The following IL26 variants were observed in gnomAD, a reference collection of about 807,000 sequenced individuals.
The protein encoded by IL26 is interleukin-26.
IL26 carries 23 observed loss-of-function variants against 21.7 expected under a neutral mutation model. That is an observed-to-expected ratio of 1.06 (90% CI 0.76 to 1.50). The LOEUF (loss-of-function observed/expected upper bound fraction) is 1.50, where lower values mean the gene tolerates loss of function less well. Among genes scored for constraint, IL26 ranks in the 40% most tolerant of loss-of-function variants. IL26 has a pLI of 0.00. For synonymous variants in IL26, 63 were observed against 67.8 expected, an observed-to-expected ratio of 0.93 and a Z score of 0.34; for missense variants, 204 against 196.0, an observed-to-expected ratio of 1.04 and a Z score of -0.24.
intron 3 of IL26, among the ~76,000 whole-genome samples, chr12:68,223,883 G>GTTTTTTTTTTTTTTTTTTTTTTTTTT (rs201652400): frequency 1.2e-5 from 1 of 81,916 alleles, no homozygotes. Flanking sequence ...TAAATTTGGT[G>GTTTTTTTTTTTTTTTTTTTTTTTTTT]GTTTTTTTTT....
chr12:68,220,258 G>A (rs573573612), intron 3 of IL26, among the ~76,000 whole-genome samples: 23 of 152,190 alleles, frequency 1.5e-4, no homozygotes, highest in Admixed American at 9.8e-4. Context: ...CAAGAAAACC[G>A]TAGACTAACA....
chr12:68,203,698 T>G (rs1868450778), intron 3 of IL26, among the ~76,000 whole-genome samples: 1 of 152,196 alleles, frequency 6.6e-6, no homozygotes, highest in African/African-American at 2.4e-5. Flanking sequence ...CCAACAGGTC[T>G]CTTCAGGGGT....
rs1257306522 is a variant in IL26 at position 68,225,274 on chromosome 12, G to T, written c.238C>A (p.Gln80Lys). The T allele has an allele frequency of 6.2e-7, 1 of 1,604,060 alleles. No homozygotes were observed. Among genetic ancestry groups the T allele is most frequent in the Admixed American group, 1.7e-5 (1 of 57,470 alleles). The change falls in exon 3 of 5, where the codon CAA becomes AAA. Residue 80 changes from glutamine (Q) to lysine (K), a missense_variant. Coordinates refer to ENST00000229134, the MANE Select transcript of IL26 (RefSeq NM_018402.2). ...AAGGACAGAAGCTGTTCTTGAAATT[G>T]ACAGTTTTTCTAAAAATAAGATACA... The part of the protein sequence containing the change: ...KTKKQFMKNC[Q>K]FQEQLLSFFM...
At chr12:68,212,598 G>C (rs563454352) in intron 3 of IL26, among the ~76,000 whole-genome samples, 2 of 151,912 alleles carry the variant, frequency 1.3e-5, no homozygotes, top group Non-Finnish European at 2.9e-5. Flanking sequence ...ATGTTTTATA[G>C]TTTTTCTTAT....
At chr12:68,214,864 C>G (rs1868829784) in intron 3 of IL26, among the ~76,000 whole-genome samples, 1 of 147,096 alleles carries the variant, frequency 6.8e-6, no homozygotes, top group Non-Finnish European at 1.5e-5. Context: ...TTACTACTGA[C>G]ATTTTGTTAC....
At chr12:68,218,877 TC>T (rs1338445813) in intron 3 of IL26, among the ~76,000 whole-genome samples, 2 of 151,772 alleles carry the variant, frequency 1.3e-5, no homozygotes, top group Non-Finnish European at 2.9e-5. Context: ...CTAACATCAA[TC>T]AAAAGAAAGC....
chr12:68,207,893 TTAA>T lies in IL26; in HGVS notation c.364-5813_364-5811del, dbSNP rs869152473. On this transcript the variant is annotated intron_variant, in intron 3 of 4. Transcript: ENST00000229134. The stretch of plus-strand genomic sequence containing the variant: ...CTAGTACATACATATATTTTATGCA[TTAA>T]TGACATATTTTTCTTAATTTTTCCA... Among the ~76,000 whole-genome samples the T allele has an allele frequency of 2.0e-4, 27 of 136,974 alleles. 2 individuals carry two copies. Among genetic ancestry groups the T allele is most frequent in the Admixed American group, 1.8e-3 (24 of 13,678 alleles). 89.9% of individuals were successfully genotyped at this position (136,974 alleles called of 152,430 possible).
At chr12:68,211,978 C>T (rs1809261546) in intron 3 of IL26, among the ~76,000 whole-genome samples, 1 of 151,948 alleles carries the variant, frequency 6.6e-6, no homozygotes, top group Non-Finnish European at 1.5e-5. Flanking sequence ...TGAAGTGTTT[C>T]CTCAAGTTTT....
intron 3 of IL26, among the ~76,000 whole-genome samples, chr12:68,218,386 A>G (rs551695026): frequency 2.4e-4 from 36 of 152,258 alleles, no homozygotes; most frequent in African/African-American, 8.4e-4. Context: ...AATGGAAAAT[A>G]TTAAAAAGAC....
At chr12:68,222,842 A>G (rs964791666) in intron 3 of IL26, among the ~76,000 whole-genome samples, 1 of 152,224 alleles carries the variant, frequency 6.6e-6, no homozygotes, top group Admixed American at 6.5e-5. Context: ...ATTAGTTTCA[A>G]TAGGTTGACC....
chr12:68,225,179 A>G lies in IL26; in HGVS notation c.333T>C (p.Phe111=), dbSNP rs1869203270. ...GGCTCAATTTCTGCCTAAGGCTATG[A>G]AAGTCCTCCACAAAGCGTATTTTCT... ...GCKKIRFVED[F]HSLRQKLSHC... Residue 111 remains phenylalanine (F), a synonymous_variant, in exon 3 of 5, where the codon TTT becomes TTC. Coordinates refer to ENST00000229134, the MANE Select transcript of IL26 (RefSeq NM_018402.2). The G allele has an allele frequency of 1.2e-6, 2 of 1,613,326 alleles. No homozygotes were observed. The highest frequency in any genetic ancestry group is 1.3e-5 in the African/African-American group (1 of 75,004).
intron 3 of IL26, among the ~76,000 whole-genome samples, chr12:68,211,140 G>A (rs938421206): frequency 6.6e-6 from 1 of 152,116 alleles, no homozygotes; most frequent in African/African-American, 2.4e-5. Flanking sequence ...CTGTCTTCAT[G>A]AGATCCACTT....
chr12:68,204,123 A>G (rs1417376023), intron 3 of IL26, among the ~76,000 whole-genome samples: 1 of 142,664 alleles, frequency 7.0e-6, no homozygotes, highest in African/African-American at 2.6e-5. Context: ...TTCTAAAATC[A>G]TGTGTTAGGA....
chr12:68,202,072 A>G lies in IL26; in HGVS notation c.375T>C (p.Ala125=), dbSNP rs1214553689. 1.3e-6 allele frequency: 2 copies of G among 1,576,892 alleles called. No homozygotes were observed. The change falls in exon 4 of 5, where the codon GCT becomes GCC. Residue 125 remains alanine (A), a synonymous_variant. Coordinates refer to ENST00000229134, the MANE Select transcript of IL26 (RefSeq NM_018402.2). Reference sequence around the variant, plus strand: ...TGGATTTCATCTCTCTAGCTGATGAAGCACAGGAAATCTAAGAAATCAACA... The same window carrying G: ...TGGATTTCATCTCTCTAGCTGATGAGGCACAGGAAATCTAAGAAATCAACA... The part of the protein sequence containing the change: ...RQKLSHCISC[A]SSAREMKSIT...
At chr12:68,220,413 A>C (rs1869013034) in intron 3 of IL26, among the ~76,000 whole-genome samples, 1 of 152,210 alleles carries the variant, frequency 6.6e-6, no homozygotes, top group South Asian at 2.1e-4. Flanking sequence ...AATGTAATTC[A>C]TTGTTTCAAT....
chr12:68,212,785 T>C (rs993117667), intron 3 of IL26, among the ~76,000 whole-genome samples: 1 of 152,096 alleles, frequency 6.6e-6, no homozygotes, highest in East Asian at 1.9e-4. Flanking sequence ...GTTCTAACAG[T>C]TTAGGTAGAG....
At chr12:68,202,696 C>G (rs987344296) in intron 3 of IL26, among the ~76,000 whole-genome samples, 1 of 152,134 alleles carries the variant, frequency 6.6e-6, no homozygotes, top group Non-Finnish European at 1.5e-5. Flanking sequence ...CCCGTCAGGT[C>G]CCTCCCTCCA....
Position 68,225,465 on chromosome 12 carries a change from CTTTTTTAATAATCGTATA to C in IL26, c.189_206del (p.Asn63_Lys68del). 6.3e-7 allele frequency: 1 copy of C among 1,585,832 alleles called. No homozygotes were observed. The highest frequency in any genetic ancestry group is 8.6e-7 in the Non-Finnish European group (1 of 1,156,784). On this transcript the variant is annotated inframe_deletion, in exon 2 of 5. Coordinates refer to ENST00000229134, the MANE Select transcript of IL26 (RefSeq NM_018402.2). ...TTACCATAAACTGCTTTTTTGTTTT[CTTTTTTAATAATCGTATA>C]TTTTTTATGCGGTCTTCCTACAATA...
intron 3 of IL26, among the ~76,000 whole-genome samples, chr12:68,215,757 T>G (rs1868857895): frequency 6.6e-6 from 1 of 152,152 alleles, no homozygotes; most frequent in Non-Finnish European, 1.5e-5. Flanking sequence ...AATCTCAGCC[T>G]CCTGGGTTCA....
Sources: gnomAD v4.1 joint callset for allele counts (sites outside exome capture counted in the v4.1 genomes callset) on GRCh38, gnomAD v4.1.1 for gene constraint, MANE v1.5 for transcripts, NCBI Gene and HGNC (gene_info 2026-07-23, HGNC 2026-07-21) for gene names.